The following LAMB1 variants were observed in gnomAD, a reference collection of about 807,000 sequenced individuals.
The protein encoded by LAMB1 is laminin subunit beta 1.
LAMB1 carries 121 observed loss-of-function variants against 222.3 expected under a neutral mutation model. The ratio of observed to expected loss-of-function variants is 0.54; its 90% CI spans 0.47 to 0.63. The LOEUF (loss-of-function observed/expected upper bound fraction) is 0.63. Ranked by LOEUF, LAMB1 falls within the 30% of genes least tolerant of loss-of-function variation. The pLI is 0.00. For synonymous variants in LAMB1, 794 were observed against 807.2 expected (o/e 0.98, Z 0.28); for missense variants, 2,172 against 2,240.8 (o/e 0.97, Z 0.62).
intron 10 of LAMB1, 21 bp from the exon 11 acceptor site, chr7:107,975,434 C>T (rs1212197154): frequency 1.3e-6 from 2 of 1,586,308 alleles, no homozygotes; most frequent in African/African-American, 1.4e-5. Flanking sequence ...TGCAAAGCAC[C>T]AGGTTAAAAT....
intron 17 of LAMB1, 27 bp downstream of exon 17, chr7:107,961,179 A>C: frequency 6.2e-7 from 1 of 1,613,824 alleles, no homozygotes; most frequent in Non-Finnish European, 8.5e-7. Context: ...GCTTTCCTGC[A>C]TATGCCAGAA....
At chr7:107,986,469 T>A (rs529262953) in intron 5 of LAMB1, 106 bp from the exon 6 acceptor site, 1 of 855,348 alleles carries the variant, frequency 1.2e-6, no homozygotes, top group Non-Finnish European at 1.8e-6. Flanking sequence ...AAACTTGAAC[T>A]GCATATGGTT....
intron 11 of LAMB1, 40 bp downstream of exon 11, chr7:107,975,194 A>G: frequency 6.3e-7 from 1 of 1,586,418 alleles, no homozygotes; most frequent in Non-Finnish European, 8.6e-7. Context: ...GGAATTTCAA[A>G]CACAAGAAAA....
In LAMB1 at chr7:108,001,584, G is replaced by A; in HGVS notation, c.187C>T (p.Pro63Ser). 2 of 1,611,950 alleles carry A rather than the reference G, an allele frequency of 1.2e-6. No individual in the cohort carries two copies. The highest frequency in any genetic ancestry group is 2.2e-5 in the South Asian group (2 of 90,722). ...TSTCGLHKPE[P>S]YCIVSHLQED... ...TGCAAGTGGCTGACGATACAGTAGG[G>A]TTCGGGCTTGTGCAGCCCGCACGTC... Residue 63 changes from proline (P) to serine (S), a missense_variant, in exon 3 of 34, where the codon CCC (proline) becomes TCC (serine). By Grantham distance (74) the Pro-to-Ser change is moderately conservative. Coordinates refer to ENST00000222399, the MANE Select transcript of LAMB1 (RefSeq NM_002291.3).
intron 25 of LAMB1, among the ~76,000 whole-genome samples, chr7:107,938,304 CT>C (rs953120352): frequency 6.6e-6 from 1 of 152,062 alleles, no homozygotes; most frequent in African/African-American, 2.4e-5. Flanking sequence ...ATTTCAGTGC[CT>C]TTTTTTCCTG....
chr7:107,998,508 A>G lies in LAMB1; in HGVS notation c.214-16T>C. On this transcript the variant is annotated splice_polypyrimidine_tract_variant and intron_variant, in intron 3 of 33. Transcript: ENST00000222399. ...TTTTGTCCTCCTACAAACAAAGTTG[A>G]GTTCATCAGTCTAGAAAGCAATCTC... 6.2e-7 allele frequency: 1 copy of G among 1,611,490 alleles called. No homozygotes were observed. Among genetic ancestry groups the G allele is most frequent in the Non-Finnish European group, 8.5e-7 (1 of 1,178,394 alleles).
Position 107,964,608 on chromosome 7 carries a change from A to G in LAMB1, c.1642T>C (p.Tyr548His), listed in dbSNP as rs780451578. ...RQCNEVEPGY[Y>H]FATLDHYLYE... is the part of the protein sequence containing the mutation. ...AGGTAGTGATCCAGGGTGGCAAAGT[A>G]GTAACCAGGTTCCACTTCGTTGCAC... The change falls in exon 14 of 34, where the codon TAC (tyrosine) becomes CAC (histidine). Residue 548 changes from tyrosine (Y) to histidine (H), a missense_variant. Coordinates refer to ENST00000222399, the MANE Select transcript of LAMB1 (RefSeq NM_002291.3). 4 of 1,614,182 alleles carry G rather than the reference A, an allele frequency of 2.5e-6. No homozygotes were observed. Among genetic ancestry groups the G allele is most frequent in the Admixed American group, 1.7e-5 (1 of 60,022 alleles).
chr7:107,958,310 G>A (rs769131493), intron 20 of LAMB1, among the ~76,000 whole-genome samples: 39 of 152,118 alleles, frequency 2.6e-4, no homozygotes, highest in African/African-American at 8.9e-4. Flanking sequence ...AGGGTAGTCC[G>A]TGGGACCTCC....
intron 5 of LAMB1, among the ~76,000 whole-genome samples, chr7:107,987,053 T>C (rs1453609781): frequency 6.6e-6 from 1 of 152,240 alleles, no homozygotes; most frequent in Non-Finnish European, 1.5e-5. Context: ...GAACAACCCA[T>C]GTACCCATCA....
intron 31 of LAMB1, among the ~76,000 whole-genome samples, chr7:107,927,066 T>C (rs2032583591): frequency 6.6e-6 from 1 of 152,174 alleles, no homozygotes; most frequent in Admixed American, 6.5e-5. Flanking sequence ...GAGCACTCAA[T>C]TTTTCTTTAA....
intron 32 of LAMB1, among the ~76,000 whole-genome samples, chr7:107,924,615 C>T (rs909219840): frequency 3.3e-5 from 5 of 152,210 alleles, no homozygotes; most frequent in African/African-American, 1.2e-4. Context: ...ATCCTTAGGG[C>T]TAAGTCCTCA....
chr7:108,001,726 G>A lies in LAMB1; in HGVS notation c.45C>T (p.Cys15=), dbSNP rs975514259. The change falls in exon 3 of 34, where the codon TGC becomes TGT. Residue 15 remains cysteine (C), a synonymous_variant. Transcript: ENST00000222399. ...QLLAFSFLAL[C]RARVRAQEPE... ...GTTCCTGAGCGCGCACTCGGGCTCT[G>A]CACAGGGCTGCGGGAAGGACAGGCA... 3 of 1,612,692 alleles carry A rather than the reference G, an allele frequency of 1.9e-6. No individual in the cohort carries two copies. The highest frequency in any genetic ancestry group is 3.3e-5 in the Admixed American group (2 of 59,966).
chr7:107,935,343 C>CTTTTT, intron 27 of LAMB1, 72 bp downstream of exon 27: 3 of 1,371,960 alleles, frequency 2.2e-6, no homozygotes, highest in African/African-American at 2.4e-5. Flanking sequence ...GTTTGTTTTT[C>CTTTTT]TTTGTTTTTT....
At chr7:107,960,384 A>T in intron 18 of LAMB1, 61 bp downstream of exon 18, 1 of 1,312,148 alleles carries the variant, frequency 7.6e-7, no homozygotes, top group Non-Finnish European at 1.1e-6. Flanking sequence ...ACTGTACTTC[A>T]TGTGCCAGAT....
intron 8 of LAMB1, 61 bp from the exon 9 acceptor site, chr7:107,978,228 C>G: frequency 6.4e-7 from 1 of 1,566,172 alleles, no homozygotes; most frequent in South Asian, 1.1e-5. Context: ...CCACGTTTCT[C>G]CATAATCAAT....
At chr7:107,985,519 C>T (rs1247287626) in intron 7 of LAMB1, among the ~76,000 whole-genome samples, 1 of 152,012 alleles carries the variant, frequency 6.6e-6, no homozygotes, top group African/African-American at 2.4e-5. Flanking sequence ...ATCCCAGCTA[C>T]TCGGGAGGCT....
intron 28 of LAMB1, chr7:107,931,734 A>C (rs1212865332): frequency 7.6e-6 from 4 of 525,480 alleles, no homozygotes; most frequent in Non-Finnish European, 1.3e-5. Context: ...AAAATTTTTC[A>C]AGTTGTTTTT....
At chr7:107,979,437 G>C (rs986539940) in intron 8 of LAMB1, among the ~76,000 whole-genome samples, 3 of 152,202 alleles carry the variant, frequency 2.0e-5, no homozygotes, top group African/African-American at 7.2e-5. Context: ...GAACCCTGGG[G>C]CTGAGTGAGG....
intron 20 of LAMB1, among the ~76,000 whole-genome samples, chr7:107,958,425 T>C (rs1186604805): frequency 6.6e-6 from 1 of 152,224 alleles, no homozygotes; most frequent in Non-Finnish European, 1.5e-5. Context: ...TCACTAACAA[T>C]TTCTCTTTCA....
Sources: allele counts gnomAD v4.1 joint callset (sites outside exome capture counted in the v4.1 genomes callset), GRCh38; gene constraint gnomAD v4.1.1; transcripts MANE v1.5; gene names NCBI Gene and HGNC (gene_info 2026-07-23, HGNC 2026-07-21).